AMZ1: variants seen among roughly 807,000 people sequenced by gnomAD.
AMZ1 encodes the protein archaemetzincin-1.
A neutral mutation model predicts 29.9 loss-of-function variants in AMZ1; 39 were observed. The ratio of observed to expected loss-of-function variants is 1.30; its 90% CI spans 1.01 to 1.70. The LOEUF is 1.70. Among genes scored for constraint, AMZ1 ranks in the 40% most tolerant of loss-of-function variants. AMZ1 has a pLI of 0.00. For synonymous variants in AMZ1, 458 were observed against 304.0 expected (o/e 1.51, Z -5.27); for missense variants, 1,041 against 680.6 (o/e 1.53, Z -5.89).
Position 2,715,649 on chromosome 7 carries a change from A to AAC in AMZ1, c.*2771_*2772insAC, listed in dbSNP as rs1789078191. 1 of 152,006 alleles carries AAC rather than the reference A, an allele frequency of 6.6e-6. No homozygotes were observed. Among genetic ancestry groups the AAC allele is most frequent in the Non-Finnish European group, 1.5e-5 (1 of 68,024 alleles). The allele number at this position is 152,006 out of a possible 1,614,324, so 9.4% of individuals were successfully genotyped here. A position where few individuals can be genotyped will look rare whatever the true frequency, so the allele number is the denominator to read the frequency against. On this transcript the variant is annotated 3_prime_UTR_variant, in exon 7 of 7. Coordinates refer to ENST00000683327, the MANE Select transcript of AMZ1 (RefSeq NM_001384743.1). ...AGTGAAATTTTTTAAGACAGCTGTT[A>AAC]GAAGGACTGTTTTGAAATGCAACTT...
intron 4 of AMZ1, among the ~76,000 whole-genome samples, chr7:2,738,464 G>A (rs547016002): frequency 1.1e-4 from 16 of 152,264 alleles, no homozygotes; most frequent in East Asian, 3.9e-4. Flanking sequence ...GGAGGTTTCC[G>A]ATACCCACTG....
intron 4 of AMZ1, among the ~76,000 whole-genome samples, chr7:2,745,484 C>T (rs1421130824): frequency 1.3e-5 from 2 of 152,264 alleles, no homozygotes; most frequent in Middle Eastern, 3.4e-3. Flanking sequence ...GATTTTGTCA[C>T]CACCAGGCCT....
At chr7:2,722,221 G>C (rs74838648), downstream of AMZ1, among the ~76,000 whole-genome samples, 1 of 152,112 alleles carries the variant, frequency 6.6e-6, no homozygotes, top group Non-Finnish European at 1.5e-5. Context: ...GGCGACGCTT[G>C]TGCCCATCGA....
rs1243095283 is a variant in AMZ1, at chr7:2,709,135, C to T, written c.662C>T (p.Ala221Val). 1.3e-6 allele frequency: 2 copies of T among 1,597,310 alleles called. No individual in the cohort carries two copies. The highest frequency in any genetic ancestry group is 8.5e-7 in the Non-Finnish European group (1 of 1,172,424). The part of the protein sequence containing the change: ...SGEFPKSGPS[A>V]PDLALVEAAA... The stretch of plus-strand genomic sequence containing the variant: ...GAATTCCCGAAGTCGGGGCCCAGCG[C>T]CCCTGATCTGGCCCTGGTAGAGGCA... Residue 221 changes from alanine to valine, a missense_variant, in exon 5 of 7, where the codon GCC (alanine) becomes GTC (valine). Transcript: ENST00000683327.
intron 3 of AMZ1, among the ~76,000 whole-genome samples, chr7:2,705,541 C>T (rs1788303913): frequency 6.6e-6 from 1 of 152,236 alleles, no homozygotes. Flanking sequence ...ATCCACTCCT[C>T]CCCATCGTGG....
intron 4 of AMZ1, among the ~76,000 whole-genome samples, chr7:2,743,443 A>C (rs555978831): frequency 2.6e-4 from 39 of 152,374 alleles, no homozygotes; most frequent in African/African-American, 9.4e-4. Flanking sequence ...CAAATATCCC[A>C]GATACTGGGA....
intron 1 of AMZ1, among the ~76,000 whole-genome samples, chr7:2,682,865 G>A (rs983855147): frequency 6.6e-6 from 1 of 152,118 alleles, no homozygotes; most frequent in Non-Finnish European, 1.5e-5. Context: ...GCCTGTGCTC[G>A]CACGGTTCCT....
chr7:2,712,326 T>C lies in AMZ1; in HGVS notation c.949-4T>C. ...CAAACTCAGCCTGTGTTTCTCCCTC[T>C]TAGAGACTCTACACCTGGACTCAGG... On this transcript the variant is annotated splice_polypyrimidine_tract_variant and splice_region_variant and intron_variant, in intron 6 of 6. Coordinates refer to ENST00000683327, the MANE Select transcript of AMZ1 (RefSeq NM_001384743.1). The C allele has an allele frequency of 6.4e-7, 1 of 1,566,810 alleles. No individual in the cohort carries two copies. The highest frequency in any genetic ancestry group is 8.7e-7 in the Non-Finnish European group (1 of 1,155,718).
At chr7:2,742,229 G>C (rs1231905029) in intron 4 of AMZ1, among the ~76,000 whole-genome samples, 1 of 151,754 alleles carries the variant, frequency 6.6e-6, no homozygotes, top group Non-Finnish European at 1.5e-5. Context: ...GCCCCATTTT[G>C]GCCAGGCTGG....
chr7:2,694,737 A>G (rs966931248), intron 1 of AMZ1, among the ~76,000 whole-genome samples: 6 of 151,352 alleles, frequency 4.0e-5, no homozygotes, highest in Non-Finnish European at 7.4e-5. Context: ...CAGTGGCGCG[A>G]TCTCAGCTCA....
upstream of AMZ1, among the ~76,000 whole-genome samples, chr7:2,686,577 C>T (rs377699441): frequency 4.6e-5 from 7 of 152,082 alleles, no homozygotes; most frequent in African/African-American, 9.7e-5. Context: ...GAGGAGAAGG[C>T]GATCAGAAGG....
Position 2,719,024 on chromosome 7 carries a change from T to TC in AMZ1, c.*6153dup, listed in dbSNP as rs66846250. Among the ~76,000 whole-genome samples, 7 of 142,292 alleles carry TC rather than the reference T, an allele frequency of 4.9e-5. No homozygotes were observed. Among genetic ancestry groups the TC allele is most frequent in the East Asian group, 4.0e-4 (2 of 4,998 alleles). 93.3% of individuals were successfully genotyped at this position (142,292 alleles called of 152,430 possible). A position where few individuals can be genotyped will look rare whatever the true frequency, so the allele number is the denominator to read the frequency against. On this transcript the variant is annotated 3_prime_UTR_variant, in exon 7 of 7. Coordinates refer to ENST00000683327, the MANE Select transcript of AMZ1 (RefSeq NM_001384743.1). ...AACAGGCGACTTTTTTTTTTTTTTT[T>TC]CCCCCCCATCTGAAGTGAGATCAAA... is the stretch of plus-strand genomic sequence containing the variant.
chr7:2,684,381 GCA>G (rs1419836150), upstream of AMZ1, among the ~76,000 whole-genome samples: 2 of 152,116 alleles, frequency 1.3e-5, no homozygotes, highest in African/African-American at 4.8e-5. Context: ...GTGCAAGTAG[GCA>G]CATTTTTGGG....
chr7:2,693,872 A>G (rs1003743085), intron 1 of AMZ1, among the ~76,000 whole-genome samples: 1 of 152,176 alleles, frequency 6.6e-6, no homozygotes, highest in African/African-American at 2.4e-5. Flanking sequence ...TCTTTTTCCA[A>G]CAGGACCTGT....
Position 2,731,678 on chromosome 7 carries a change from C to G in AMZ1, n.550+21862C>G. On this transcript the variant is annotated intron_variant and non_coding_transcript_variant, in intron 4 of 4. Transcript: ENST00000489665. This position sits in a 1 kb window ranked among gnomAD's most constrained non-coding sequence, Gnocchi z 6.0. ...ATCTTAAAGGGGATCTTCTTAATAA[C>G]GAAGTCATGCTCCACAATTCCCTTG... 2 of 1,608,054 alleles carry G rather than the reference C, an allele frequency of 1.2e-6. No homozygotes were observed. The highest frequency in any genetic ancestry group is 1.7e-6 in the Non-Finnish European group (2 of 1,176,928).
upstream of AMZ1, chr7:2,762,593 CA>C (rs766061658): frequency 5.5e-5 from 83 of 1,505,958 alleles, no homozygotes; most frequent in Admixed American, 1.8e-3. Context: ...TTTACAAACC[CA>C]AAAAAGGACA....
intron 2 of AMZ1, among the ~76,000 whole-genome samples, chr7:2,701,561 C>T (rs981863244): frequency 6.6e-6 from 1 of 152,168 alleles, no homozygotes; most frequent in Admixed American, 6.5e-5. Context: ...AGGGAACGGC[C>T]CAGGCAGGTG....
upstream of AMZ1, among the ~76,000 whole-genome samples, chr7:2,763,696 G>A (rs896922468): frequency 6.6e-6 from 1 of 152,178 alleles, no homozygotes; most frequent in African/African-American, 2.4e-5. Context: ...AGAAAGCCTG[G>A]GCTTGTCCAG....
intron 1 of AMZ1, among the ~76,000 whole-genome samples, chr7:2,698,084 C>T (rs1787844761): frequency 6.6e-6 from 1 of 152,030 alleles, no homozygotes; most frequent in South Asian, 2.1e-4. Context: ...CATGTATTTT[C>T]CAGATGAATG....
Sources: gnomAD v4.1 joint callset for allele counts (sites outside exome capture counted in the v4.1 genomes callset) on GRCh38, gnomAD v4.1.1 for gene constraint, Gnocchi (gnomAD v3.1) non-coding constraint, MANE v1.5 for transcripts, NCBI Gene and HGNC (gene_info 2026-07-23, HGNC 2026-07-21) for gene names.